The following ARHGAP44 variants were observed in gnomAD, a reference collection of about 807,000 sequenced individuals.
ARHGAP44 encodes the protein rho GTPase-activating protein 44.
Under a neutral mutation model 106.8 loss-of-function variants are expected in ARHGAP44, and 43 were observed. The ratio of observed to expected loss-of-function variants is 0.40; its 90% confidence interval spans 0.32 to 0.52. The LOEUF is 0.52. Ranked by LOEUF, ARHGAP44 falls within the 20% of genes least tolerant of loss-of-function variation. ARHGAP44 has a pLI of 0.48. For synonymous variants in ARHGAP44, 439 were observed against 410.3 expected, an observed-to-expected ratio of 1.07 and a Z score of -0.85; for missense variants, 866 against 1,050.5, an observed-to-expected ratio of 0.82 and a Z score of 2.43.
intron 7 of ARHGAP44, among the ~76,000 whole-genome samples, chr17:12,938,265 C>A (rs1307850549): frequency 6.6e-6 from 1 of 151,916 alleles, no homozygotes; most frequent in Non-Finnish European, 1.5e-5. Context: ...TTGAATTTCC[C>A]AGAATTAATT....
At chr17:12,918,216 C>T (rs558130399) in intron 5 of ARHGAP44, among the ~76,000 whole-genome samples, 76 of 152,300 alleles carry the variant, frequency 5.0e-4, no homozygotes, top group African/African-American at 1.6e-3. Context: ...AGCTTAGCTT[C>T]GGAGCTGGGT....
chr17:12,945,815 C>G (rs1015931491), intron 10 of ARHGAP44, among the ~76,000 whole-genome samples: 3 of 152,164 alleles, frequency 2.0e-5, no homozygotes, highest in African/African-American at 7.2e-5. Context: ...GAGACAGGGT[C>G]TTGCTCTGTT....
intron 19 of ARHGAP44, among the ~76,000 whole-genome samples, chr17:12,982,223 C>T (rs1272914396): frequency 6.6e-6 from 1 of 152,172 alleles, no homozygotes; most frequent in Non-Finnish European, 1.5e-5. Flanking sequence ...TCCCAAGTGA[C>T]CTTCAATAGC....
chr17:12,963,566 A>G (rs530543538), intron 16 of ARHGAP44, among the ~76,000 whole-genome samples: 79 of 137,316 alleles, frequency 5.8e-4, no homozygotes, highest in Middle Eastern at 3.6e-3. Flanking sequence ...CCTTGCATCA[A>G]TGCTGTGTGT....
At chr17:12,923,083 T>C (rs936578458) in intron 6 of ARHGAP44, among the ~76,000 whole-genome samples, 3 of 152,220 alleles carry the variant, frequency 2.0e-5, no homozygotes, top group African/African-American at 7.2e-5. Context: ...TGTTTTAGAC[T>C]AAAAAAGTCT....
chr17:12,858,343 C>G (rs2035971733), intron 1 of ARHGAP44, among the ~76,000 whole-genome samples: 1 of 152,178 alleles, frequency 6.6e-6, no homozygotes, highest in Non-Finnish European at 1.5e-5. Flanking sequence ...ACCTCAGTTA[C>G]CTGGGATGGA....
intron 1 of ARHGAP44, among the ~76,000 whole-genome samples, chr17:12,853,972 T>G (rs1287822681): frequency 1.3e-5 from 2 of 152,202 alleles, no homozygotes. Flanking sequence ...AGACCTGATT[T>G]CTCACCTTAT....
intron 7 of ARHGAP44, among the ~76,000 whole-genome samples, chr17:12,940,533 G>A: frequency 6.6e-6 from 1 of 152,224 alleles, no homozygotes; most frequent in East Asian, 1.9e-4. Flanking sequence ...TTTTGAGTCA[G>A]CAATCCTTTC....
intron 1 of ARHGAP44, among the ~76,000 whole-genome samples, chr17:12,894,071 T>C (rs921776713): frequency 2.6e-5 from 4 of 152,196 alleles, no homozygotes; most frequent in African/African-American, 9.6e-5. Context: ...TAATATATCA[T>C]TTGTTCTTTG....
intron 8 of ARHGAP44, among the ~76,000 whole-genome samples, chr17:12,941,411 A>G (rs73290470): frequency 0.01 from 1,527 of 152,222 alleles, 26 homozygotes; most frequent in African/African-American, 0.035. Context: ...ATCTGGAGAC[A>G]TTTTTGATTG....
At chr17:12,886,718 A>C (rs2036891173) in intron 1 of ARHGAP44, among the ~76,000 whole-genome samples, 1 of 152,056 alleles carries the variant, frequency 6.6e-6, no homozygotes, top group Non-Finnish European at 1.5e-5. Context: ...TACATAGACT[A>C]TTATATCATC....
intron 1 of ARHGAP44, among the ~76,000 whole-genome samples, chr17:12,830,384 C>A (rs974046082): frequency 6.6e-6 from 1 of 151,964 alleles, no homozygotes; most frequent in African/African-American, 2.4e-5. Flanking sequence ...TGCCTCCAGT[C>A]CTGTCCCTCT....
At chr17:12,822,650 A>T (rs893347031) in intron 1 of ARHGAP44, among the ~76,000 whole-genome samples, 1 of 152,210 alleles carries the variant, frequency 6.6e-6, no homozygotes, top group Non-Finnish European at 1.5e-5. Flanking sequence ...AGTGGAAGTG[A>T]TGAGAGCTCA....
At chr17:12,831,487 T>C (rs1597904641) in intron 1 of ARHGAP44, among the ~76,000 whole-genome samples, 1 of 152,042 alleles carries the variant, frequency 6.6e-6, no homozygotes, top group Admixed American at 6.5e-5. Flanking sequence ...AAAGGGAGAA[T>C]AGGGGAATGA....
In ARHGAP44 at chr17:12,802,944, TA is replaced by T. The variant is rs1567621121; in HGVS notation, c.53+13054del. The stretch of plus-strand genomic sequence containing the variant: ...TGGCTAATTTATATATATATATATA[TA>T]TATATATATATATATATATATATAT... On this transcript the variant is annotated intron_variant, in intron 1 of 20. Coordinates refer to ENST00000379672, the MANE Select transcript of ARHGAP44 (RefSeq NM_014859.6). Among the ~76,000 whole-genome samples, 150 of 16,404 alleles carry T rather than the reference TA, an allele frequency of 9.1e-3. 11 individuals are homozygous for T. The highest frequency in any genetic ancestry group is 0.047 in the African/African-American group (143 of 3,038). 10.8% of individuals were successfully genotyped at this position (16,404 alleles called of 152,430 possible).
At chr17:12,923,233 A>G (rs879843412) in intron 6 of ARHGAP44, among the ~76,000 whole-genome samples, 3 of 151,728 alleles carry the variant, frequency 2.0e-5, no homozygotes, top group Admixed American at 6.6e-5. Context: ...TTTTTGAGAC[A>G]GAGTTTTGCT....
At chr17:12,979,416 C>A (rs2039776405) in intron 18 of ARHGAP44, among the ~76,000 whole-genome samples, 1 of 152,190 alleles carries the variant, frequency 6.6e-6, no homozygotes, top group Non-Finnish European at 1.5e-5. Flanking sequence ...CTGCCATCGA[C>A]CTTCACCTCT....
rs148790242 is a variant in ARHGAP44 at position 12,853,284 on chromosome 17, A to G, written c.54-41656A>G. ...CCAGAAGACTCAGCAAATATCACTC[A>G]ATATTAACCATCACAGTACTTCACT... On this transcript the variant is annotated intron_variant, in intron 1 of 20. Transcript: ENST00000379672. 3.2e-3 allele frequency among the ~76,000 whole-genome samples: 493 copies of G among 152,314 alleles called. 4 individuals are homozygous for G. The highest frequency in any genetic ancestry group is 6.8e-3 in the Middle Eastern group (2 of 294).
At chr17:12,843,431 C>T (rs2035474621) in intron 1 of ARHGAP44, among the ~76,000 whole-genome samples, 1 of 151,670 alleles carries the variant, frequency 6.6e-6, no homozygotes, top group Non-Finnish European at 1.5e-5. Flanking sequence ...CCCTTTGTAT[C>T]TTTAAGCATG....
Sources: gnomAD v4.1 joint callset for allele counts (sites outside exome capture counted in the v4.1 genomes callset) on GRCh38, gnomAD v4.1.1 for gene constraint, MANE v1.5 for transcripts, NCBI Gene and HGNC (gene_info 2026-07-23, HGNC 2026-07-21) for gene names.